Variants in COMMD7 observed in about 807,000 individuals in gnomAD.
COMMD7 encodes COMM domain-containing protein 7.
In COMMD7, 28 loss-of-function variants were observed where a neutral mutation model predicts 34.8. That is an observed-to-expected ratio of 0.80 (90% CI 0.60 to 1.10). The LOEUF (loss-of-function observed/expected upper bound fraction) is 1.10, where lower values mean the gene tolerates loss of function less well. Among genes scored for constraint, COMMD7 ranks in the 50% least tolerant of loss-of-function variants. COMMD7 has a pLI of 0.00. For synonymous variants in COMMD7, 80 were observed against 86.4 expected, an observed-to-expected ratio of 0.93 and a Z score of 0.41; for missense variants, 211 against 241.6, an observed-to-expected ratio of 0.87 and a Z score of 0.84.
intron 1 of COMMD7, among the ~76,000 whole-genome samples, chr20:32,733,605 A>G (rs866892959): frequency 1.4e-4 from 22 of 151,748 alleles, no homozygotes; most frequent in African/African-American, 5.3e-4. Flanking sequence ...CTATAATCCC[A>G]GCTACTTGGG....
rs1000468317 is a variant in COMMD7 at position 32,710,024 on chromosome 20, A to G, written c.242-3264T>C. On this transcript the variant is annotated intron_variant, in intron 3 of 8. Transcript: ENST00000278980. ...CTCCTAAGTAGCTGGGACTACAGGCATGCTCCACAATGCTTGACTAATTTT... is the reference window on the plus strand; with the variant it reads ...CTCCTAAGTAGCTGGGACTACAGGCGTGCTCCACAATGCTTGACTAATTTT... 2.0e-5 allele frequency among the ~76,000 whole-genome samples: 3 copies of G among 151,530 alleles called. No homozygotes were observed. The South Asian group carries it at 6.2e-4, about 32-fold the overall frequency.
At chr20:32,705,030 G>A in intron 5 of COMMD7, 126 bp from the exon 6 acceptor site, 1 of 706,998 alleles carries the variant, frequency 1.4e-6, no homozygotes, top group Non-Finnish European at 2.5e-6. Flanking sequence ...ATAGTGGGGA[G>A]GGTGCAGAAC....
At position 32,743,351 on chromosome 20, in the gene COMMD7, G is replaced by A. The variant is rs1353491851; in HGVS notation, c.41C>T (p.Ala14Val). The A allele has an allele frequency of 6.6e-7, 1 of 1,512,998 alleles. No individual in the cohort carries two copies. The highest frequency in any genetic ancestry group is 8.8e-7 in the Non-Finnish European group (1 of 1,136,952). The allele number at this position is 1,512,998 out of a possible 1,614,324, so 93.7% of individuals were successfully genotyped here. The change falls in exon 1 of 9, where the codon GCC becomes GTC. Residue 14 changes from alanine (A) to valine (V), a missense_variant. Coordinates refer to ENST00000278980, the MANE Select transcript of COMMD7 (RefSeq NM_053041.3). The part of the protein sequence containing the change: ...LHCTEDPVPE[A>V]VGGDMQQLNQ... ...CAGCTGCTGCATGTCGCCGCCCACG[G>A]CCTCCGGCACCGGGTCCTCAGTGCA...
chr20:32,721,991 G>A (rs528784090), intron 3 of COMMD7, among the ~76,000 whole-genome samples: 1 of 151,514 alleles, frequency 6.6e-6, no homozygotes, highest in South Asian at 2.1e-4. Flanking sequence ...AACCCGGGAG[G>A]TGGAGGTTGC....
chr20:32,725,515 G>A (rs373575075), intron 3 of COMMD7, among the ~76,000 whole-genome samples: 2 of 143,816 alleles, frequency 1.4e-5, no homozygotes, highest in African/African-American at 2.6e-5. Flanking sequence ...TGCAAACTCC[G>A]CCTCCCGGGA....
chr20:32,706,527 GA>G, intron 5 of COMMD7, 55 bp downstream of exon 5: 1 of 1,242,808 alleles, frequency 8.0e-7, no homozygotes, highest in Non-Finnish European at 1.1e-6. Context: ...AAAAAAAAAA[GA>G]AAGAAAAGCA....
chr20:32,734,458 C>G (rs1986029719), intron 1 of COMMD7, among the ~76,000 whole-genome samples: 1 of 151,492 alleles, frequency 6.6e-6, no homozygotes, highest in Non-Finnish European at 1.5e-5. Context: ...GGTGACAGAG[C>G]TTGACTCCGT....
chr20:32,719,435 G>A (rs1412211806), intron 3 of COMMD7, among the ~76,000 whole-genome samples: 2 of 152,134 alleles, frequency 1.3e-5, no homozygotes, highest in Admixed American at 6.6e-5. Flanking sequence ...GATCACCTGA[G>A]GTCAGGAGTT....
chr20:32,705,953 C>A (rs1003264349), intron 5 of COMMD7, among the ~76,000 whole-genome samples: 4 of 152,030 alleles, frequency 2.6e-5, no homozygotes, highest in Non-Finnish European at 5.9e-5. Flanking sequence ...AATCCCAGCA[C>A]TTTCAGAGGC....
intron 1 of COMMD7, among the ~76,000 whole-genome samples, chr20:32,738,017 CAG>C (rs1407287115): frequency 6.6e-6 from 1 of 151,806 alleles, no homozygotes; most frequent in Non-Finnish European, 1.5e-5. Context: ...GGATATCTTC[CAG>C]AGAACACTGA....
intron 1 of COMMD7, among the ~76,000 whole-genome samples, chr20:32,742,010 A>C (rs1986470538): frequency 6.6e-6 from 1 of 152,134 alleles, no homozygotes; most frequent in Admixed American, 6.5e-5. Flanking sequence ...CAACATGGTC[A>C]AACCCCATCT....
At chr20:32,729,552 G>A (rs546031126) in intron 1 of COMMD7, among the ~76,000 whole-genome samples, 7 of 151,816 alleles carry the variant, frequency 4.6e-5, no homozygotes, top group African/African-American at 1.7e-4. Flanking sequence ...AGACCAAGAT[G>A]GGAGGATTGC....
chr20:32,707,620 C>T (rs1984178219), intron 3 of COMMD7, among the ~76,000 whole-genome samples: 1 of 151,862 alleles, frequency 6.6e-6, no homozygotes, highest in Non-Finnish European at 1.5e-5. Context: ...CCATGCCTGG[C>T]ACATATTTTT....
intron 3 of COMMD7, among the ~76,000 whole-genome samples, chr20:32,710,247 TA>T (rs1984356096): frequency 6.6e-6 from 1 of 152,152 alleles, no homozygotes; most frequent in South Asian, 2.1e-4. Flanking sequence ...ATTGCATTTA[TA>T]ACTACCCAAC....
intron 5 of COMMD7, 106 bp from the exon 6 acceptor site, chr20:32,705,010 G>A: frequency 1.2e-6 from 1 of 806,890 alleles, no homozygotes; most frequent in South Asian, 1.5e-5. Flanking sequence ...TAGTGGGGAG[G>A]GTGCAGAAGA....
At chr20:32,705,270 G>C (rs1277201702) in intron 5 of COMMD7, among the ~76,000 whole-genome samples, 1 of 151,182 alleles carries the variant, frequency 6.6e-6, no homozygotes, top group African/African-American at 2.4e-5. Context: ...TTGTCACAGT[G>C]ACATCTGAGA....
chr20:32,703,752 G>T, intron 8 of COMMD7: 6 of 1,471,374 alleles, frequency 4.1e-6, no homozygotes, highest in Non-Finnish European at 5.4e-6. Context: ...AGAGCTTCTT[G>T]CTCGTCAACC....
At position 32,739,644 on chromosome 20, in the gene COMMD7, C is replaced by CAAAA. The variant is rs1176056154; in HGVS notation, c.84+3660_84+3663dup. Among the ~76,000 whole-genome samples, 28 of 56,000 alleles carry CAAAA rather than the reference C, an allele frequency of 5.0e-4. 3 individuals carry two copies. The highest frequency in any genetic ancestry group is 1.3e-3 in the African/African-American group (18 of 13,830). The allele number at this position is 56,000 out of a possible 152,430, so 36.7% of individuals were successfully genotyped here. A position where few individuals can be genotyped will look rare whatever the true frequency, so the allele number is the denominator to read the frequency against. The stretch of plus-strand genomic sequence containing the variant: ...TCGGTGACAGAGCAAGGCTCTGTAT[C>CAAAA]AAAAAAAAAAAAAAAAAAAATACAT... On this transcript the variant is annotated intron_variant, in intron 1 of 8. Coordinates refer to ENST00000278980, the MANE Select transcript of COMMD7 (RefSeq NM_053041.3).
chr20:32,732,828 C>T (rs1001455044), intron 1 of COMMD7, among the ~76,000 whole-genome samples: 6 of 149,524 alleles, frequency 4.0e-5, no homozygotes, highest in African/African-American at 9.9e-5. Flanking sequence ...CCCAGCTACT[C>T]GGGAGGCTGA....
Sources: allele counts gnomAD v4.1 joint callset (sites outside exome capture counted in the v4.1 genomes callset), GRCh38; gene constraint gnomAD v4.1.1; transcripts MANE v1.5; gene names NCBI Gene and HGNC (gene_info 2026-07-23, HGNC 2026-07-21).